The following LAMC1 variants were observed in gnomAD, a reference collection of about 807,000 sequenced individuals.
LAMC1 encodes the protein laminin subunit gamma 1, also known as laminin subunit gamma-1.
A neutral mutation model predicts 173.6 loss-of-function variants in LAMC1; 38 were observed. The ratio of observed to expected loss-of-function variants is 0.22; its 90% CI spans 0.17 to 0.29. LAMC1 has a LOEUF of 0.29. Among genes scored for constraint, LAMC1 ranks in the 10% least tolerant of loss-of-function variants. The probability of loss-of-function intolerance (pLI) is 1.00; values close to 1 mark genes in which losing one functional copy is unlikely to be tolerated. For synonymous variants in LAMC1, 746 were observed against 749.1 expected (o/e 1.00, Z 0.07); for missense variants, 1,824 against 2,051.8 (o/e 0.89, Z 2.14).
chr1:183,133,406 G>GT lies in LAMC1; in HGVS notation c.3706dup (p.Tyr1236LeufsTer2). 1 of 1,612,748 alleles carries GT rather than the reference G, an allele frequency of 6.2e-7. No homozygotes were observed. The highest frequency in any genetic ancestry group is 8.5e-7 in the Non-Finnish European group (1 of 1,179,080). On this transcript the variant is annotated frameshift_variant and splice_region_variant, in exon 22 of 28. Transcript: ENST00000258341. LOFTEE classifies it high-confidence loss of function. ...TTAAACCACATTATTTGTGTCTTAG[G>GT]TATGAACAAGCGAAGAACATCTCAC...
chr1:183,071,780 A>G (rs933615991), intron 1 of LAMC1, among the ~76,000 whole-genome samples: 1 of 152,212 alleles, frequency 6.6e-6, no homozygotes, highest in Non-Finnish European at 1.5e-5. Flanking sequence ...GTGCCGTCTT[A>G]AGTTCCCAAA....
chr1:183,041,989 G>A (rs767869426), intron 1 of LAMC1, among the ~76,000 whole-genome samples: 1 of 152,170 alleles, frequency 6.6e-6, no homozygotes, highest in Non-Finnish European at 1.5e-5. Context: ...AGGCAGAATA[G>A]GATGGCTAGT....
intron 18 of LAMC1, among the ~76,000 whole-genome samples, chr1:183,129,377 T>G (rs1041331483): frequency 2.0e-5 from 3 of 152,100 alleles, no homozygotes; most frequent in Non-Finnish European, 4.4e-5. Flanking sequence ...CTTGAGCCAC[T>G]GCGCCCAGCC....
At chr1:183,100,703 C>T (rs1157249957) in intron 1 of LAMC1, among the ~76,000 whole-genome samples, 1 of 152,198 alleles carries the variant, frequency 6.6e-6, no homozygotes, top group African/African-American at 2.4e-5. Context: ...GGAGTCATCT[C>T]ATGATGAGTT....
intron 1 of LAMC1, among the ~76,000 whole-genome samples, chr1:183,095,978 C>A (rs948569674): frequency 6.6e-6 from 1 of 152,200 alleles, no homozygotes; most frequent in Non-Finnish European, 1.5e-5. Flanking sequence ...GTTAAGAATT[C>A]TCTCTGTATG....
In LAMC1 at chr1:183,124,802, G is replaced by A; in HGVS notation, c.2573G>A (p.Gly858Asp). ...CTGAAGTGCATCTATAACACTGCTG[G>A]CTTCTATTGTGACCGGTGCAAAGAC... ...ECLKCIYNTAGFYCDRCKDGF... is the reference protein window; with the variant it reads ...ECLKCIYNTADFYCDRCKDGF... Residue 858 changes from glycine (G) to aspartate (D), a missense_variant, in exon 14 of 28, where the codon GGC becomes GAC. By Grantham distance (94) the Gly-to-Asp change is moderately conservative. Transcript: ENST00000258341. 1 of 1,614,164 alleles carries A rather than the reference G, an allele frequency of 6.2e-7. No homozygotes were observed. Among genetic ancestry groups the A allele is most frequent in the Admixed American group, 1.7e-5 (1 of 60,008 alleles).
Position 183,115,644 on chromosome 1 carries a change from T to C in LAMC1, c.1328+7T>C. Reference sequence around the variant, plus strand: ...TCACTGAAGCAGGATGCAGGTAAAATATTTTCAAAGCCAGAAGAAGGGGGC... The same window carrying C: ...TCACTGAAGCAGGATGCAGGTAAAACATTTTCAAAGCCAGAAGAAGGGGGC... On this transcript the variant is annotated splice_region_variant and intron_variant, in intron 6 of 27. Transcript: ENST00000258341. The C allele has an allele frequency of 1.9e-6, 3 of 1,587,776 alleles. No homozygotes were observed. Among genetic ancestry groups the C allele is most frequent in the Non-Finnish European group, 2.6e-6 (3 of 1,155,970 alleles).
At chr1:183,105,604 G>A (rs760745153) in intron 2 of LAMC1, among the ~76,000 whole-genome samples, 3 of 149,912 alleles carry the variant, frequency 2.0e-5, no homozygotes, top group Admixed American at 1.4e-4. Context: ...AGACTGTGTG[G>A]TAAAAATGCT....
At chr1:183,033,048 C>G (rs1442839941) in intron 1 of LAMC1, among the ~76,000 whole-genome samples, 1 of 152,140 alleles carries the variant, frequency 6.6e-6, no homozygotes, top group African/African-American at 2.4e-5. Context: ...AAGAAACTTT[C>G]AGCCAATTGT....
intron 1 of LAMC1, among the ~76,000 whole-genome samples, chr1:183,081,482 C>T (rs1558041857): frequency 6.6e-6 from 1 of 151,452 alleles, no homozygotes; most frequent in Non-Finnish European, 1.5e-5. Flanking sequence ...CCTATGGTCC[C>T]AGCTACAGTG....
At chr1:183,139,786 A>G (rs1021386139) in intron 26 of LAMC1, among the ~76,000 whole-genome samples, 1 of 152,210 alleles carries the variant, frequency 6.6e-6, no homozygotes, top group African/African-American at 2.4e-5. Context: ...TTCAGGTTTC[A>G]TGGAATTTCC....
At chr1:183,135,189 T>G in intron 24 of LAMC1, 33 bp downstream of exon 24, 1 of 1,322,802 alleles carries the variant, frequency 7.6e-7, no homozygotes. Context: ...GGGCAAATGC[T>G]TCCGCCACTA....
chr1:183,120,539 T>C (rs543325996), intron 11 of LAMC1, among the ~76,000 whole-genome samples: 7 of 152,338 alleles, frequency 4.6e-5, no homozygotes, highest in Admixed American at 3.9e-4. Flanking sequence ...CAAGTGCTAT[T>C]TCATAACATG....
chr1:183,029,284 T>G (rs1007985135), intron 1 of LAMC1, among the ~76,000 whole-genome samples: 1 of 152,226 alleles, frequency 6.6e-6, no homozygotes, highest in Non-Finnish European at 1.5e-5. Flanking sequence ...TCTTTGTCTC[T>G]GCCTTACTGT....
intron 1 of LAMC1, among the ~76,000 whole-genome samples, chr1:183,079,586 C>T (rs944799066): frequency 2.6e-5 from 4 of 152,130 alleles, no homozygotes; most frequent in African/African-American, 9.7e-5. Flanking sequence ...AGCCACTGCA[C>T]GTGCCCAGCC....
At chr1:183,048,850 C>T (rs950749220) in intron 1 of LAMC1, among the ~76,000 whole-genome samples, 19 of 152,282 alleles carry the variant, frequency 1.2e-4, no homozygotes, top group Non-Finnish European at 2.2e-4. Flanking sequence ...CTCTCCCTTC[C>T]GCTCTGTTGT....
Position 183,143,841 on chromosome 1 carries a change from GT to G in LAMC1, c.*1053del, listed in dbSNP as rs1440793510. ...ATCCCGTGTATCCATTTGTTCTTCT[GT>G]TGGAGAGATGAGACATTTGACCCTT... On this transcript the variant is annotated 3_prime_UTR_variant, in exon 28 of 28. Coordinates refer to ENST00000258341, the MANE Select transcript of LAMC1 (RefSeq NM_002293.4). The G allele has an allele frequency of 1.3e-5, 2 of 152,200 alleles. No homozygotes were observed. Among genetic ancestry groups the G allele is most frequent in the African/African-American group, 4.8e-5 (2 of 41,456 alleles). The allele number at this position is 152,200 out of a possible 1,614,324, so 9.4% of individuals were successfully genotyped here. A position where few individuals can be genotyped will look rare whatever the true frequency, so the allele number is the denominator to read the frequency against.
intron 1 of LAMC1, among the ~76,000 whole-genome samples, chr1:183,080,282 G>A (rs930642008): frequency 6.6e-6 from 1 of 152,144 alleles, no homozygotes; most frequent in Non-Finnish European, 1.5e-5. Context: ...AATTGTACTA[G>A]CTATTTTTTC....
At chr1:183,141,469 T>C (rs1456514454) in intron 27 of LAMC1, among the ~76,000 whole-genome samples, 1 of 152,220 alleles carries the variant, frequency 6.6e-6, no homozygotes, top group East Asian at 1.9e-4. Flanking sequence ...ACGGAAACCT[T>C]CTTTTAATCC....
Sources: gnomAD v4.1 joint callset for allele counts (sites outside exome capture counted in the v4.1 genomes callset) on GRCh38, gnomAD v4.1.1 for gene constraint, MANE v1.5 for transcripts, NCBI Gene and HGNC (gene_info 2026-07-23, HGNC 2026-07-21) for gene names.